Variants in IL3RA observed in about 807,000 individuals in gnomAD.
The protein encoded by IL3RA is interleukin 3 receptor subunit alpha, also known as interleukin-3 receptor subunit alpha.
IL3RA carries 73 observed loss-of-function variants against 52.3 expected under a neutral mutation model. That is an observed-to-expected ratio of 1.40 (90% confidence interval 1.16 to 1.70). IL3RA has a LOEUF of 1.70. Among genes scored for constraint, IL3RA ranks in the 40% most tolerant of loss-of-function variants. IL3RA has a pLI of 0.00. For synonymous variants in IL3RA, 260 were observed against 194.0 expected, an observed-to-expected ratio of 1.34 and a Z score of -2.83; for missense variants, 664 against 504.4, an observed-to-expected ratio of 1.32 and a Z score of -3.03.
intron 4 of IL3RA, among the ~76,000 whole-genome samples, chrX:1,350,147 T>G (rs1182537314): frequency 2.0e-5 from 3 of 152,212 alleles, no homozygotes; most frequent in African/African-American, 4.8e-5. Context: ...AGAGGTGGGT[T>G]TGGCTGTAAA....
At chrX:1,339,921 C>T (rs1167232605) in intron 1 of IL3RA, among the ~76,000 whole-genome samples, 1 of 152,012 alleles carries the variant, frequency 6.6e-6, no homozygotes, top group Non-Finnish European at 1.5e-5. Context: ...GGTCCTGTAC[C>T]CCCTTGTTAC....
Position 1,367,728 on chromosome X carries a change from C to T in IL3RA, c.874+2476C>T, listed in dbSNP as rs866171386. On this transcript the variant is annotated intron_variant, in intron 9 of 11. Transcript: ENST00000331035. Reference sequence around the variant, plus strand: ...GGTGCGCGGGGTGAGCGGGGTGCGCCGGGTGAGCGGGGTGCGCGGGGTGAG... The same window carrying T: ...GGTGCGCGGGGTGAGCGGGGTGCGCTGGGTGAGCGGGGTGCGCGGGGTGAG... Among the ~76,000 whole-genome samples the T allele has an allele frequency of 1.3e-3, 54 of 40,240 alleles. 1 individual carries two copies. The highest frequency in any genetic ancestry group is 5.2e-3 in the African/African-American group (52 of 9,978). The allele number at this position is 40,240 out of a possible 152,430, so 26.4% of individuals were successfully genotyped here.
chrX:1,353,193 CCCATCATGGGTT>C (rs1313185324), intron 6 of IL3RA, among the ~76,000 whole-genome samples: 1 of 150,726 alleles, frequency 6.6e-6, no homozygotes, highest in East Asian at 2.0e-4. Flanking sequence ...CATGGGACCC[CCCATCATGGGTT>C]CCATCATGGG....
intron 6 of IL3RA, 35 bp from the exon 7 acceptor site, chrX:1,356,186 C>T: frequency 7.9e-7 from 1 of 1,269,852 alleles, no homozygotes; most frequent in East Asian, 2.4e-5. Flanking sequence ...ATTTCTTGTA[C>T]TCCTAAATCC....
intron 6 of IL3RA, among the ~76,000 whole-genome samples, chrX:1,355,535 C>A (rs746788282): frequency 6.7e-6 from 1 of 148,884 alleles, no homozygotes; most frequent in Admixed American, 6.8e-5. Context: ...AGCCAGGCAG[C>A]CGGACACACA....
intron 7 of IL3RA, among the ~76,000 whole-genome samples, chrX:1,356,727 G>C (rs1384651643): frequency 2.1e-4 from 31 of 151,182 alleles, no homozygotes; most frequent in Non-Finnish European, 4.1e-4. Flanking sequence ...AGCCGAGATC[G>C]CGCCATTGCA....
intron 8 of IL3RA, among the ~76,000 whole-genome samples, chrX:1,363,455 CGG>C (rs1208293312): frequency 6.6e-6 from 1 of 151,874 alleles, no homozygotes; most frequent in Non-Finnish European, 1.5e-5. Context: ...CGCCCGCCAC[CGG>C]GCCCGGCTAA....
intron 11 of IL3RA, 144 bp from the exon 12 acceptor site, chrX:1,382,247 C>A (rs111555525): frequency 1.8e-4 from 25 of 138,644 alleles, no homozygotes; most frequent in African/African-American, 5.8e-4. Context: ...CCGCGCCTGG[C>A]CCAAAGTGCT....
intron 9 of IL3RA, among the ~76,000 whole-genome samples, chrX:1,368,294 A>G (rs187304339): frequency 1.3e-5 from 2 of 152,190 alleles, no homozygotes; most frequent in African/African-American, 4.8e-5. Context: ...GCCTCAGAGT[A>G]GAACTTCTGG....
At chrX:1,380,124 C>G (rs1473085423) in intron 10 of IL3RA, among the ~76,000 whole-genome samples, 2 of 151,768 alleles carry the variant, frequency 1.3e-5, no homozygotes, top group South Asian at 2.1e-4. Context: ...GAACTCCTCA[C>G]CTCAGTTGAT....
intron 10 of IL3RA, among the ~76,000 whole-genome samples, chrX:1,379,408 G>C (rs181556772): frequency 6.7e-6 from 1 of 150,312 alleles, no homozygotes; most frequent in South Asian, 2.1e-4. Flanking sequence ...CCCCAGCCTC[G>C]GCCTCCCAAA....
At chrX:1,370,226 G>C (rs867811595) in intron 9 of IL3RA, among the ~76,000 whole-genome samples, 1 of 49,970 alleles carries the variant, frequency 2.0e-5, no homozygotes, top group South Asian at 9.2e-4. Context: ...TCAGTGTTTT[G>C]TTTCTAAGCC....
intron 7 of IL3RA, 131 bp from the exon 8 acceptor site, chrX:1,358,730 G>T: frequency 1.3e-6 from 1 of 794,144 alleles, no homozygotes; most frequent in Non-Finnish European, 2.1e-6. Flanking sequence ...TGCCCCCACT[G>T]CTGCCCGAAG....
intron 7 of IL3RA, among the ~76,000 whole-genome samples, chrX:1,358,435 A>G (rs1343345097): frequency 2.0e-5 from 3 of 152,092 alleles, no homozygotes; most frequent in Admixed American, 6.6e-5. Flanking sequence ...CGAGGTGGGC[A>G]GATCATGAGG....
rs2089163550 is a variant in IL3RA, at chrX:1,381,216, T to C, written c.1062+112T>C. 7 of 887,586 alleles carry C rather than the reference T, an allele frequency of 7.9e-6. No homozygotes were observed. The Admixed American group carries it at 9.7e-5, about 12-fold the overall frequency. The allele number at this position is 887,586 out of a possible 1,614,324, so 55.0% of individuals were successfully genotyped here. On this transcript the variant is annotated intron_variant, in intron 11 of 11. Coordinates refer to ENST00000331035, the MANE Select transcript of IL3RA (RefSeq NM_002183.4). The stretch of plus-strand genomic sequence containing the variant: ...GAACTGGAGACCAGCCTGGCCAACA[T>C]GGAGAAACTCCGTGTCTACTAAAAA...
In IL3RA at chrX:1,377,095, C is replaced by T. The variant is rs1429024019; in HGVS notation, c.875-1564C>T. On this transcript the variant is annotated intron_variant, in intron 9 of 11. Coordinates refer to ENST00000331035, the MANE Select transcript of IL3RA (RefSeq NM_002183.4). ...CACAGACACACACCAAGGGACAACC[C>T]TGTGGGACACGGAGAAGACGGGGTC... is the stretch of plus-strand genomic sequence containing the variant. 2.8e-5 allele frequency among the ~76,000 whole-genome samples: 3 copies of T among 107,332 alleles called. No homozygotes were observed. The East Asian group carries it at 7.2e-4, about 26-fold the overall frequency. The allele number at this position is 107,332 out of a possible 152,430, so 70.4% of individuals were successfully genotyped here. A position where few individuals can be genotyped will look rare whatever the true frequency, so the allele number is the denominator to read the frequency against.
In IL3RA at chrX:1,349,470, G is replaced by A. The variant is rs1264958216; in HGVS notation, c.298+925G>A. On this transcript the variant is annotated intron_variant, in intron 4 of 11. Coordinates refer to ENST00000331035, the MANE Select transcript of IL3RA (RefSeq NM_002183.4). ...GCTGGGAGTACAGGGGTGAGCCACC[G>A]CGCCCAGCCTTAAATACTTTTTGTA... 9.9e-5 allele frequency among the ~76,000 whole-genome samples: 15 copies of A among 151,680 alleles called. No homozygotes were observed. The South Asian group carries it at 1.9e-3, about 19-fold the overall frequency.
In IL3RA at chrX:1,341,785, C is replaced by T. The variant is rs370135351; in HGVS notation, c.20C>T (p.Thr7Met). 48 of 1,613,808 alleles carry T rather than the reference C, an allele frequency of 3.0e-5. No homozygotes were observed. The Middle Eastern group carries it at 6.6e-4, about 22-fold the overall frequency. MVLLWL[T>M]LLLIALPCLL... Reference sequence around the variant, plus strand: ...TTCCCGATGGTCCTCCTTTGGCTCACGCTGCTCCTGATCGCCCTGCCCTGT... The same window carrying T: ...TTCCCGATGGTCCTCCTTTGGCTCATGCTGCTCCTGATCGCCCTGCCCTGT... The change falls in exon 2 of 12, where the codon ACG (threonine) becomes ATG (methionine). Residue 7 changes from threonine to methionine, a missense_variant. By Grantham distance (81) the Thr-to-Met change is moderately conservative. Transcript: ENST00000331035.
intron 10 of IL3RA, among the ~76,000 whole-genome samples, chrX:1,380,562 AGGCGAGGGGGAG>A (rs2089120810): frequency 5.5e-5 from 1 of 18,282 alleles, no homozygotes; most frequent in African/African-American, 2.9e-4. Flanking sequence ...GGGGGAGGAG[AGGCGAGGGGGAG>A]GGTGGGGGAG....
Sources: gnomAD v4.1 joint callset for allele counts (sites outside exome capture counted in the v4.1 genomes callset) on GRCh38, gnomAD v4.1.1 for gene constraint, MANE v1.5 for transcripts, NCBI Gene and HGNC (gene_info 2026-07-23, HGNC 2026-07-21) for gene names.